Variants in FRMD3 observed in about 807,000 individuals in gnomAD.
FRMD3 encodes FERM domain-containing protein 3.
In FRMD3, 33 loss-of-function variants were observed where a neutral mutation model predicts 70.2. The ratio of observed to expected loss-of-function variants is 0.47; its 90% confidence interval spans 0.36 to 0.63. The LOEUF (loss-of-function observed/expected upper bound fraction) is 0.63, where lower values mean the gene tolerates loss of function less well. FRMD3 is among the 20% of genes least tolerant of loss of function. The pLI is 0.00. For missense variants in FRMD3, 632 were observed against 711.4 expected, an observed-to-expected ratio of 0.89 and a Z score of 1.27; for synonymous variants, 279 against 255.9, an observed-to-expected ratio of 1.09 and a Z score of -0.86.
At chr9:83,330,650 T>C (rs545502466) in intron 6 of FRMD3, among the ~76,000 whole-genome samples, 1 of 152,246 alleles carries the variant, frequency 6.6e-6, no homozygotes, top group African/African-American at 2.4e-5. Flanking sequence ...GCCTGCCACC[T>C]GTGTTGTCAA....
At chr9:83,492,554 G>T (rs149664563) in intron 1 of FRMD3, among the ~76,000 whole-genome samples, 1 of 152,192 alleles carries the variant, frequency 6.6e-6, no homozygotes, top group African/African-American at 2.4e-5. Context: ...GAGGAACGGG[G>T]GAGCAGGACT....
intron 5 of FRMD3, among the ~76,000 whole-genome samples, chr9:83,342,176 G>T (rs1009202897): frequency 6.6e-6 from 1 of 151,924 alleles, no homozygotes; most frequent in South Asian, 2.1e-4. Flanking sequence ...ACTGGCCCAG[G>T]GGAACAGAAC....
intron 3 of FRMD3, among the ~76,000 whole-genome samples, chr9:83,351,159 G>GAC (rs1824142227): frequency 6.6e-6 from 1 of 152,118 alleles, no homozygotes; most frequent in Non-Finnish European, 1.5e-5. Context: ...TCCAGATGTA[G>GAC]ACGAATCCTT....
chr9:83,541,460 G>T (rs1008617038), upstream of FRMD3, among the ~76,000 whole-genome samples: 1 of 152,236 alleles, frequency 6.6e-6, no homozygotes, highest in Non-Finnish European at 1.5e-5. Context: ...ATATTGCAGT[G>T]TATTTCCACA....
intron 1 of FRMD3, among the ~76,000 whole-genome samples, chr9:83,469,495 C>T (rs1554709560): frequency 1.3e-5 from 2 of 152,278 alleles, no homozygotes; most frequent in African/African-American, 2.4e-5. Flanking sequence ...AGTACAGGGG[C>T]AACAGGGAAG....
At chr9:83,316,000 C>G (rs1035276142) in intron 6 of FRMD3, among the ~76,000 whole-genome samples, 1 of 152,172 alleles carries the variant, frequency 6.6e-6, no homozygotes, top group African/African-American at 2.4e-5. Flanking sequence ...TGGATCCCTT[C>G]TGTTTCCTAT....
chr9:83,246,457 C>T lies in FRMD3; in HGVS notation c.*1461G>A. 1 of 984,834 alleles carries T rather than the reference C, an allele frequency of 1.0e-6. No homozygotes were observed. The highest frequency in any genetic ancestry group is 1.2e-6 in the Non-Finnish European group (1 of 829,554). The allele number at this position is 984,834 out of a possible 1,614,324, so 61.0% of individuals were successfully genotyped here. Reference sequence around the variant, plus strand: ...TGGTATCAAGGAAGGTACTAGAGCACTGGTCCCCTCTACAGTCTGGTTAGG... The same window carrying T: ...TGGTATCAAGGAAGGTACTAGAGCATTGGTCCCCTCTACAGTCTGGTTAGG... On this transcript the variant is annotated 3_prime_UTR_variant, in exon 14 of 14. Transcript: ENST00000304195.
chr9:83,395,229 G>C (rs1310633702), intron 1 of FRMD3, among the ~76,000 whole-genome samples: 1 of 147,764 alleles, frequency 6.8e-6, no homozygotes, highest in East Asian at 2.0e-4. Context: ...ATATAAGGAA[G>C]TTAAGTGGAA....
intron 10 of FRMD3, among the ~76,000 whole-genome samples, chr9:83,308,826 T>C (rs1478382017): frequency 6.6e-6 from 1 of 152,188 alleles, no homozygotes; most frequent in Non-Finnish European, 1.5e-5. Context: ...CAGGTGACTC[T>C]CTGCCAGAGG....
At chr9:83,275,204 C>T (rs574048217) in intron 13 of FRMD3, among the ~76,000 whole-genome samples, 4 of 152,286 alleles carry the variant, frequency 2.6e-5, no homozygotes, top group East Asian at 1.9e-4. Flanking sequence ...GTCAGGATCA[C>T]GGAGAGGAGG....
At chr9:83,363,432 C>T (rs1210106736) in intron 3 of FRMD3, among the ~76,000 whole-genome samples, 2 of 151,824 alleles carry the variant, frequency 1.3e-5, no homozygotes, top group Non-Finnish European at 2.9e-5. Flanking sequence ...CTTTTTATTG[C>T]TTTCTCAGTG....
intron 1 of FRMD3, among the ~76,000 whole-genome samples, chr9:83,507,431 G>C (rs1307597035): frequency 6.7e-6 from 1 of 148,688 alleles, no homozygotes; most frequent in Admixed American, 6.7e-5. Context: ...ACTTTGGGAG[G>C]CCGAGGCGGG....
chr9:83,466,621 AAG>A (rs1828134991), intron 1 of FRMD3, among the ~76,000 whole-genome samples: 1 of 152,190 alleles, frequency 6.6e-6, no homozygotes, highest in African/African-American at 2.4e-5. Context: ...TACCCTAGAA[AAG>A]ACTGTGAAGG....
At chr9:83,464,617 T>C (rs1177703884) in intron 1 of FRMD3, among the ~76,000 whole-genome samples, 2 of 152,138 alleles carry the variant, frequency 1.3e-5, no homozygotes, top group African/African-American at 4.8e-5. Flanking sequence ...AGAGAGGCAA[T>C]TTAATGACCT....
Position 83,245,813 on chromosome 9 carries a change from C to T in FRMD3, c.*2105G>A, listed in dbSNP as rs1196448154. On this transcript the variant is annotated 3_prime_UTR_variant, in exon 14 of 14. Transcript: ENST00000304195. ...ATGTCAGAAAGGATGACTTAGAAGT[C>T]GTATGAGAAAAGAAGGAGAAAAACA... The T allele has an allele frequency of 8.1e-6, 8 of 984,958 alleles. No individual in the cohort carries two copies. The highest frequency in any genetic ancestry group is 9.6e-6 in the Non-Finnish European group (8 of 829,788). The allele number at this position is 984,958 out of a possible 1,614,324, so 61.0% of individuals were successfully genotyped here.
At chr9:83,405,595 C>T (rs1826077192) in intron 1 of FRMD3, among the ~76,000 whole-genome samples, 3 of 146,444 alleles carry the variant, frequency 2.0e-5, no homozygotes. Context: ...AACCCCATCT[C>T]CACTAAAAAT....
intron 3 of FRMD3, among the ~76,000 whole-genome samples, chr9:83,355,891 G>T (rs956788265): frequency 6.6e-6 from 1 of 152,220 alleles, no homozygotes; most frequent in Non-Finnish European, 1.5e-5. Context: ...CCAAGAGCTT[G>T]TAATTGCACT....
At chr9:83,315,518 T>C (rs1835534885) in intron 6 of FRMD3, among the ~76,000 whole-genome samples, 1 of 151,942 alleles carries the variant, frequency 6.6e-6, no homozygotes, top group Non-Finnish European at 1.5e-5. Context: ...GGATAGTGAG[T>C]CCTCACAAGA....
intron 1 of FRMD3, among the ~76,000 whole-genome samples, chr9:83,399,766 C>T (rs1825901236): frequency 6.6e-6 from 1 of 152,064 alleles, no homozygotes; most frequent in South Asian, 2.1e-4. Flanking sequence ...TAAATAACTT[C>T]CTCAACTTGA....
Sources: gnomAD v4.1 joint callset for allele counts (sites outside exome capture counted in the v4.1 genomes callset) on GRCh38, gnomAD v4.1.1 for gene constraint, MANE v1.5 for transcripts, NCBI Gene and HGNC (gene_info 2026-07-23, HGNC 2026-07-21) for gene names.